The following ADRA1D variants were observed in gnomAD, a reference collection of about 807,000 sequenced individuals.
ADRA1D encodes the protein adrenoceptor alpha 1D, also known as alpha-1D adrenergic receptor.
In ADRA1D, 22 loss-of-function variants were observed where a neutral mutation model predicts 18.6. The observed-to-expected ratio is 1.19, with a 90% CI of 0.85 to 1.69. The LOEUF is 1.69. Ranked by LOEUF, ADRA1D falls within the 40% of genes most tolerant of loss-of-function variation. The pLI is 0.00. For missense variants in ADRA1D, 840 were observed against 840.7 expected (o/e 1.00, Z 0.01); for synonymous variants, 376 against 388.2 (o/e 0.97, Z 0.37).
At chr20:4,230,781 G>C (rs1318712989) in intron 1 of ADRA1D, among the ~76,000 whole-genome samples, 1 of 152,192 alleles carries the variant, frequency 6.6e-6, no homozygotes, top group African/African-American at 2.4e-5. Context: ...GCCTCAAGCA[G>C]ATCCTCCCAC....
At position 4,239,756 on chromosome 20, in the gene ADRA1D, C is replaced by T. The variant is rs1012140751; in HGVS notation, c.1111+8091G>A. ...GGTACTCAAACAGCCTCAGTGGTCA[C>T]GTCTGGAAAGAATGCTAGAGAACTG... On this transcript the variant is annotated intron_variant, in intron 1 of 1. Coordinates refer to ENST00000379453, the MANE Select transcript of ADRA1D (RefSeq NM_000678.4). This position sits in a 1 kb window ranked among gnomAD's most constrained non-coding sequence, Gnocchi z 4.9. Among the ~76,000 whole-genome samples, 5 of 152,110 alleles carry T rather than the reference C, an allele frequency of 3.3e-5. No homozygotes were observed. The highest frequency in any genetic ancestry group is 7.4e-5 in the Non-Finnish European group (5 of 68,010).
At chr20:4,238,919 G>A (rs1471607006) in intron 1 of ADRA1D, among the ~76,000 whole-genome samples, 1 of 152,068 alleles carries the variant, frequency 6.6e-6, no homozygotes, top group Non-Finnish European at 1.5e-5. Context: ...GCTGACTAAG[G>A]AAGGGATGTG....
At chr20:4,224,278 C>T (rs535242327) in intron 1 of ADRA1D, among the ~76,000 whole-genome samples, 1 of 152,182 alleles carries the variant, frequency 6.6e-6, no homozygotes, top group African/African-American at 2.4e-5. Context: ...GGGGCTGTTC[C>T]AGTGGAAGTG....
intron 1 of ADRA1D, among the ~76,000 whole-genome samples, chr20:4,234,575 G>T (rs769453923): frequency 3.3e-5 from 5 of 152,110 alleles, no homozygotes; most frequent in Non-Finnish European, 7.4e-5. Flanking sequence ...CTGCCAGCAG[G>T]GCTAGGAGAG....
intron 1 of ADRA1D, among the ~76,000 whole-genome samples, chr20:4,240,989 T>A (rs1981199037): frequency 6.6e-6 from 1 of 152,210 alleles, no homozygotes; most frequent in East Asian, 1.9e-4. Flanking sequence ...CAACCCTAGC[T>A]CATTGCTTAT....
At chr20:4,236,487 G>A (rs557703860) in intron 1 of ADRA1D, among the ~76,000 whole-genome samples, 2 of 152,282 alleles carry the variant, frequency 1.3e-5, no homozygotes, top group Admixed American at 1.3e-4. Context: ...GGACTCCAGA[G>A]GACAGACAGA....
At chr20:4,232,164 T>C (rs1013271832) in intron 1 of ADRA1D, among the ~76,000 whole-genome samples, 2 of 152,208 alleles carry the variant, frequency 1.3e-5, no homozygotes, top group African/African-American at 4.8e-5. Flanking sequence ...TCCACCCGCC[T>C]CGGCTTCCTA....
At position 4,246,014 on chromosome 20, in the gene ADRA1D, C is replaced by T. The variant is rs190514053; in HGVS notation, c.1111+1833G>A. ...ATGGCCCTATAGATAGGCATGATTACCATCACCCCATCTCTATTTTATAGA... is the reference window on the plus strand; with the variant it reads ...ATGGCCCTATAGATAGGCATGATTATCATCACCCCATCTCTATTTTATAGA... On this transcript the variant is annotated intron_variant, in intron 1 of 1. Transcript: ENST00000379453. 2.2e-3 allele frequency among the ~76,000 whole-genome samples: 336 copies of T among 152,252 alleles called. 1 individual carries two copies. Among genetic ancestry groups the T allele is most frequent in the African/African-American group, 7.6e-3 (316 of 41,528 alleles).
chr20:4,248,025 C>T lies in ADRA1D; in HGVS notation c.933G>A (p.Ala311=). The T allele has an allele frequency of 6.4e-7, 1 of 1,552,606 alleles. No homozygotes were observed. The highest frequency in any genetic ancestry group is 1.2e-5 in the South Asian group (1 of 84,458). The change falls in exon 1 of 2, where the codon GCG becomes GCA. Residue 311 remains alanine, a synonymous_variant. Coordinates refer to ENST00000379453, the MANE Select transcript of ADRA1D (RefSeq NM_000678.4). ...EVVLRIHCRG[A]ATGADGAHGM... ...CGTGCGCCCCGTCGGCGCCCGTGGC[C>T]GCGCCGCGACAGTGGATGCGCAGCA...
Position 4,222,158 on chromosome 20 carries a change from T to C in ADRA1D, c.1112-28A>G. ...GTAGGGAGCAGAGACCGATACTATT[T>C]AGCTGCTTGGGGAGGGGGAGGCCAG... On this transcript the variant is annotated intron_variant, in intron 1 of 1. Coordinates refer to ENST00000379453, the MANE Select transcript of ADRA1D (RefSeq NM_000678.4). The surrounding 1 kb of genome is among the most constrained non-coding windows in gnomAD (Gnocchi z 4.3). 1 of 1,598,938 alleles carries C rather than the reference T, an allele frequency of 6.3e-7. No homozygotes were observed. The highest frequency in any genetic ancestry group is 8.5e-7 in the Non-Finnish European group (1 of 1,172,098).
chr20:4,247,918 G>T lies in ADRA1D; in HGVS notation c.1040C>A (p.Ala347Asp). The change falls in exon 1 of 2, where the codon GCC (alanine) becomes GAC (aspartate). Residue 347 changes from alanine to aspartate, a missense_variant. Coordinates refer to ENST00000379453, the MANE Select transcript of ADRA1D (RefSeq NM_000678.4). ...LLKFSREKKAAKTLAIVVGVF... is the reference protein window; with the variant it reads ...LLKFSREKKADKTLAIVVGVF... ...ACCCACGACGATGGCCAGAGTCTTG[G>T]CCGCTTTCTTCTCACGGGAGAACTT... 6.2e-7 allele frequency: 1 copy of T among 1,604,868 alleles called. No individual in the cohort carries two copies. Among genetic ancestry groups the T allele is most frequent in the Non-Finnish European group, 8.5e-7 (1 of 1,176,106 alleles).
Position 4,221,510 on chromosome 20 carries a change from A to G in ADRA1D, c.*13T>C. On this transcript the variant is annotated 3_prime_UTR_variant, in exon 2 of 2. Coordinates refer to ENST00000379453, the MANE Select transcript of ADRA1D (RefSeq NM_000678.4). ...CCAAGCCCAGCACACTCCGCGGCCTAGCTCTGGGGTCCTTAAATATCGGTC... is the reference window on the plus strand; with the variant it reads ...CCAAGCCCAGCACACTCCGCGGCCTGGCTCTGGGGTCCTTAAATATCGGTC... 1.9e-6 allele frequency: 3 copies of G among 1,593,630 alleles called. No homozygotes were observed. Among genetic ancestry groups the G allele is most frequent in the Non-Finnish European group, 2.6e-6 (3 of 1,164,822 alleles).
At chr20:4,242,673 C>G (rs1278020548) in intron 1 of ADRA1D, among the ~76,000 whole-genome samples, 2 of 152,084 alleles carry the variant, frequency 1.3e-5, no homozygotes, top group African/African-American at 4.8e-5. Flanking sequence ...GAGCCTCTGC[C>G]CAGCTTGTAT....
intron 1 of ADRA1D, among the ~76,000 whole-genome samples, chr20:4,233,425 C>T (rs949217956): frequency 1.3e-5 from 2 of 152,052 alleles, no homozygotes; most frequent in African/African-American, 4.8e-5. Context: ...TGCATCACTG[C>T]ACTCTAGTCT....
chr20:4,234,870 G>C (rs1449710912), intron 1 of ADRA1D, among the ~76,000 whole-genome samples: 1 of 152,210 alleles, frequency 6.6e-6, no homozygotes, highest in Non-Finnish European at 1.5e-5. Flanking sequence ...GAGGCAGCAG[G>C]GTACCTGACA....
Position 4,239,505 on chromosome 20 carries a change from G to A in ADRA1D, c.1111+8342C>T, listed in dbSNP as rs1444119481. ...AGTCATCTTCCATTGAAACAGACTA[G>A]GGCTCTTTAGGGAAATGGCTAATTC... On this transcript the variant is annotated intron_variant, in intron 1 of 1. Coordinates refer to ENST00000379453, the MANE Select transcript of ADRA1D (RefSeq NM_000678.4). This position sits in a 1 kb window ranked among gnomAD's most constrained non-coding sequence, Gnocchi z 4.9. 6.6e-6 allele frequency among the ~76,000 whole-genome samples: 1 copy of A among 152,222 alleles called. No homozygotes were observed. Among genetic ancestry groups the A allele is most frequent in the Non-Finnish European group, 1.5e-5 (1 of 68,036 alleles).
At position 4,221,288 on chromosome 20, in the gene ADRA1D, C is replaced by T. The variant is rs1326692245; in HGVS notation, c.*235G>A. 2 of 452,832 alleles carry T rather than the reference C, an allele frequency of 4.4e-6. No homozygotes were observed. The highest frequency in any genetic ancestry group is 3.8e-6 in the Non-Finnish European group (1 of 259,768). The allele number at this position is 452,832 out of a possible 1,614,324, so 28.1% of individuals were successfully genotyped here. A position where few individuals can be genotyped will look rare whatever the true frequency, so the allele number is the denominator to read the frequency against. On this transcript the variant is annotated 3_prime_UTR_variant, in exon 2 of 2. Transcript: ENST00000379453. Reference sequence around the variant, plus strand: ...AGGCCCCACGGAGCCCGCAGCCTCTCCCTTCTAAGAAAAGAGTTCTGGGCA... The same window carrying T: ...AGGCCCCACGGAGCCCGCAGCCTCTTCCTTCTAAGAAAAGAGTTCTGGGCA...
At chr20:4,237,922 C>T (rs1017992935) in intron 1 of ADRA1D, among the ~76,000 whole-genome samples, 12 of 150,988 alleles carry the variant, frequency 7.9e-5, no homozygotes, top group African/African-American at 1.7e-4. Context: ...CCCAAGCCAC[C>T]GTGCCCAGCC....
In ADRA1D at chr20:4,248,934, G is replaced by A; in HGVS notation, c.24C>T (p.Ser8=). ...CCGGGCGGGGTCCCTCGAAACTGAC[G>A]CTCAGGAGATCGCGGAAAGTCATCT... MTFRDLL[S]VSFEGPRPDS... Residue 8 remains serine (S), a synonymous_variant, in exon 1 of 2, where the codon AGC becomes AGT. Coordinates refer to ENST00000379453, the MANE Select transcript of ADRA1D (RefSeq NM_000678.4). 8.9e-6 allele frequency: 12 copies of A among 1,348,324 alleles called. No homozygotes were observed. The highest frequency in any genetic ancestry group is 1.5e-5 in the African/African-American group (1 of 65,076). The allele number at this position is 1,348,324 out of a possible 1,614,324, so 83.5% of individuals were successfully genotyped here. A position where few individuals can be genotyped will look rare whatever the true frequency, so the allele number is the denominator to read the frequency against.
Sources: gnomAD v4.1 joint callset for allele counts (sites outside exome capture counted in the v4.1 genomes callset) on GRCh38, gnomAD v4.1.1 for gene constraint, Gnocchi (gnomAD v3.1) non-coding constraint, MANE v1.5 for transcripts, NCBI Gene and HGNC (gene_info 2026-07-23, HGNC 2026-07-21) for gene names.